Variants in CDK6 observed in about 807,000 individuals in gnomAD.
CDK6 encodes the protein cyclin-dependent kinase 6.
CDK6 carries 6 observed loss-of-function variants against 37.1 expected under a neutral mutation model. The observed-to-expected ratio is 0.16, with a 90% CI of 0.09 to 0.32. The LOEUF (loss-of-function observed/expected upper bound fraction) is 0.32. Among genes scored for constraint, CDK6 ranks in the 10% least tolerant of loss-of-function variants. The pLI is 1.00. For synonymous variants in CDK6, 160 were observed against 161.3 expected, an observed-to-expected ratio of 0.99 and a Z score of 0.06; for missense variants, 224 against 418.9, an observed-to-expected ratio of 0.53 and a Z score of 4.06.
intron 2 of CDK6, among the ~76,000 whole-genome samples, chr7:92,826,268 TGGGA>T (rs1801309286): frequency 6.6e-6 from 1 of 152,126 alleles, no homozygotes; most frequent in South Asian, 2.1e-4. Context: ...AGGGCTGTCA[TGGGA>T]GTTAACATTC....
chr7:92,798,663 T>C (rs74882654), intron 2 of CDK6, among the ~76,000 whole-genome samples: 1,818 of 152,302 alleles, frequency 0.012, 32 homozygotes, highest in African/African-American at 0.04. Context: ...GGAACCCAAG[T>C]GTGCTGACCA....
At chr7:92,626,310 T>C (rs548031186) in intron 5 of CDK6, among the ~76,000 whole-genome samples, 1 of 152,186 alleles carries the variant, frequency 6.6e-6, no homozygotes, top group East Asian at 1.9e-4. Context: ...ATATAATATG[T>C]ATTTATACAT....
chr7:92,649,933 C>T (rs549333868), intron 5 of CDK6, among the ~76,000 whole-genome samples: 1 of 152,168 alleles, frequency 6.6e-6, no homozygotes, highest in Non-Finnish European at 1.5e-5. Context: ...ACAACCAGAC[C>T]TTGTGCTAAC....
chr7:92,661,083 G>A (rs1368071237), intron 5 of CDK6, among the ~76,000 whole-genome samples: 2 of 152,198 alleles, frequency 1.3e-5, no homozygotes, highest in African/African-American at 4.8e-5. Context: ...CTTTCACGGA[G>A]TGAGTGGCCA....
chr7:92,736,137 G>A lies in CDK6; in HGVS notation c.370-10344C>T, dbSNP rs566747406. On this transcript the variant is annotated intron_variant, in intron 3 of 7. Coordinates refer to ENST00000424848, the MANE Select transcript of CDK6 (RefSeq NM_001145306.2). ...TTTTCACATCTATTTTTGAGAAAAT[G>A]ACCCCACAAAAAGATTTAAACAAGA... 2.0e-4 allele frequency among the ~76,000 whole-genome samples: 30 copies of A among 151,940 alleles called. No homozygotes were observed. In the South Asian group the frequency reaches 6.0e-3, roughly 30 times the overall value.
intron 4 of CDK6, among the ~76,000 whole-genome samples, chr7:92,692,761 C>A (rs1481101248): frequency 6.6e-6 from 1 of 152,130 alleles, no homozygotes; most frequent in Non-Finnish European, 1.5e-5. Flanking sequence ...GCACTCCAGC[C>A]TGAATTATGG....
At chr7:92,819,137 A>G (rs1030387909) in intron 2 of CDK6, among the ~76,000 whole-genome samples, 5 of 152,150 alleles carry the variant, frequency 3.3e-5, no homozygotes, top group African/African-American at 9.7e-5. Flanking sequence ...AGCCTTATTT[A>G]TAACAGCCCT....
At chr7:92,621,682 C>T (rs954240441) in intron 6 of CDK6, among the ~76,000 whole-genome samples, 3 of 152,242 alleles carry the variant, frequency 2.0e-5, no homozygotes, top group East Asian at 1.9e-4. Flanking sequence ...GGGAGTTCAT[C>T]GAGTGATTAA....
At chr7:92,730,029 C>T (rs1798606454) in intron 3 of CDK6, among the ~76,000 whole-genome samples, 1 of 152,224 alleles carries the variant, frequency 6.6e-6, no homozygotes, top group South Asian at 2.1e-4. Flanking sequence ...CAGGTGTGAG[C>T]CACTGCACCT....
At chr7:92,729,362 C>T (rs1279204012) in intron 3 of CDK6, among the ~76,000 whole-genome samples, 4 of 152,152 alleles carry the variant, frequency 2.6e-5, no homozygotes, top group South Asian at 2.1e-4. Flanking sequence ...TTCAGTTAAA[C>T]GCAGGTTTAA....
intron 3 of CDK6, among the ~76,000 whole-genome samples, chr7:92,769,447 G>A (rs1194913372): frequency 6.6e-6 from 1 of 152,186 alleles, no homozygotes; most frequent in East Asian, 1.9e-4. Context: ...TCTTTTGTGT[G>A]ACCTTTCAGT....
chr7:92,823,714 C>CA (rs1801239154), intron 2 of CDK6, among the ~76,000 whole-genome samples: 3 of 152,146 alleles, frequency 2.0e-5, no homozygotes, highest in Admixed American at 2.0e-4. Flanking sequence ...TGAAACGACT[C>CA]AGACAGTCTC....
At chr7:92,644,211 T>A (rs147283419) in intron 5 of CDK6, among the ~76,000 whole-genome samples, 180 of 152,318 alleles carry the variant, frequency 1.2e-3, no homozygotes, top group Non-Finnish European at 2.2e-3. Context: ...TGAGTAGAGA[T>A]ACTGGAGATT....
intron 2 of CDK6, among the ~76,000 whole-genome samples, chr7:92,800,426 T>A (rs1221188129): frequency 6.6e-6 from 1 of 152,246 alleles, no homozygotes; most frequent in African/African-American, 2.4e-5. Flanking sequence ...TTCTTGCTCC[T>A]GCAAATTAAA....
intron 3 of CDK6, among the ~76,000 whole-genome samples, chr7:92,734,610 C>T (rs1360088772): frequency 6.6e-6 from 1 of 152,212 alleles, no homozygotes; most frequent in Non-Finnish European, 1.5e-5. Flanking sequence ...GAAGTGAGGG[C>T]CCAAACAAAA....
chr7:92,710,918 G>A lies in CDK6; in HGVS notation c.537+14708C>T, dbSNP rs985447826. The A allele has an allele frequency of 5.3e-6, 5 of 940,910 alleles. No individual in the cohort carries two copies. In the African/African-American group the frequency reaches 8.9e-5, roughly 17 times the overall value. The allele number at this position is 940,910 out of a possible 1,614,324, so 58.3% of individuals were successfully genotyped here. The stretch of plus-strand genomic sequence containing the variant: ...GGGCTGAAGTCAGAACATGCTGGAT[G>A]CTTTATTAGAGGACAGGAAGAGCAG... On this transcript the variant is annotated intron_variant, in intron 4 of 7. Coordinates refer to ENST00000424848, the MANE Select transcript of CDK6 (RefSeq NM_001145306.2).
At chr7:92,815,198 T>C (rs1208887025) in intron 2 of CDK6, among the ~76,000 whole-genome samples, 3 of 152,070 alleles carry the variant, frequency 2.0e-5, no homozygotes, top group Non-Finnish European at 4.4e-5. Context: ...GATCTTGGAG[T>C]AAACCATTTC....
chr7:92,665,963 T>A (rs967652838), intron 5 of CDK6, among the ~76,000 whole-genome samples: 2 of 152,204 alleles, frequency 1.3e-5, no homozygotes, highest in Admixed American at 1.3e-4. Context: ...GAAAGAAGTC[T>A]TCAGAATAGG....
intron 4 of CDK6, among the ~76,000 whole-genome samples, chr7:92,675,019 A>G (rs1422029523): frequency 6.6e-6 from 1 of 152,094 alleles, no homozygotes; most frequent in Non-Finnish European, 1.5e-5. Context: ...TTTTTTGTAG[A>G]GATAGGGTTT....
Sources: allele counts gnomAD v4.1 joint callset (sites outside exome capture counted in the v4.1 genomes callset), GRCh38; gene constraint gnomAD v4.1.1; transcripts MANE v1.5; gene names NCBI Gene and HGNC (gene_info 2026-07-23, HGNC 2026-07-21).